GRXCR1: variants seen among roughly 807,000 people sequenced by gnomAD.
GRXCR1 encodes glutaredoxin domain-containing cysteine-rich protein 1.
A neutral mutation model predicts 27.3 loss-of-function variants in GRXCR1; 27 were observed. The observed-to-expected ratio is 0.99, with a 90% CI of 0.73 to 1.37. The LOEUF is 1.37. GRXCR1 is among the 40% of genes most tolerant of loss of function. The probability of loss-of-function intolerance (pLI) is 0.00; values close to 1 mark genes in which losing one functional copy is unlikely to be tolerated. For missense variants in GRXCR1, 379 were observed against 354.4 expected (o/e 1.07, Z -0.56); for synonymous variants, 122 against 131.1 (o/e 0.93, Z 0.47).
intron 2 of GRXCR1, among the ~76,000 whole-genome samples, chr4:43,020,040 G>C (rs781123452): frequency 6.6e-6 from 1 of 152,052 alleles, no homozygotes; most frequent in Admixed American, 6.6e-5. Flanking sequence ...CTGGCTCCAG[G>C]CTCCCTAAAC....
intron 1 of GRXCR1, among the ~76,000 whole-genome samples, chr4:42,909,605 C>T (rs1746671889): frequency 6.6e-6 from 1 of 152,030 alleles, no homozygotes; most frequent in South Asian, 2.1e-4. Context: ...TTGTTATTTT[C>T]TCATTAAAAA....
intron 2 of GRXCR1, among the ~76,000 whole-genome samples, chr4:42,985,910 A>G (rs548646510): frequency 4.3e-4 from 65 of 152,308 alleles, no homozygotes; most frequent in African/African-American, 1.5e-3. Context: ...GGGAAAATGC[A>G]TATATTTTCT....
At chr4:42,954,193 C>T (rs1003080920) in intron 1 of GRXCR1, among the ~76,000 whole-genome samples, 1 of 152,080 alleles carries the variant, frequency 6.6e-6, no homozygotes, top group African/African-American at 2.4e-5. Context: ...TAACATCCAG[C>T]AGTACTAGCA....
At position 42,977,722 on chromosome 4, in the gene GRXCR1, T is replaced by G. The variant is rs112897922; in HGVS notation, c.627+14588T>G. ...GGAAATTCATCCCTTGTCAGATGGA[T>G]AGTTTGCAAATATTTTCTCCCATTC... On this transcript the variant is annotated intron_variant, in intron 2 of 3. Coordinates refer to ENST00000399770, the MANE Select transcript of GRXCR1 (RefSeq NM_001080476.3). Among the ~76,000 whole-genome samples, 308 of 152,174 alleles carry G rather than the reference T, an allele frequency of 2.0e-3. 1 individual carries two copies. The highest frequency in any genetic ancestry group is 6.9e-3 in the African/African-American group (286 of 41,570).
chr4:42,896,071 TA>T (rs1456256995), intron 1 of GRXCR1, among the ~76,000 whole-genome samples: 2 of 152,128 alleles, frequency 1.3e-5, no homozygotes, highest in Non-Finnish European at 2.9e-5. Flanking sequence ...TTTTAAGTTT[TA>T]AAACCTTAAA....
chr4:42,955,849 A>C (rs1747991132), intron 1 of GRXCR1, among the ~76,000 whole-genome samples: 1 of 152,090 alleles, frequency 6.6e-6, no homozygotes, highest in African/African-American at 2.4e-5. Flanking sequence ...GCGAGGCTAG[A>C]GCTAAAAAGA....
At chr4:42,921,367 G>A (rs1007830305) in intron 1 of GRXCR1, among the ~76,000 whole-genome samples, 1 of 152,080 alleles carries the variant, frequency 6.6e-6, no homozygotes, top group African/African-American at 2.4e-5. Flanking sequence ...AGCAGCCCAA[G>A]TGGTCTAAGA....
intron 1 of GRXCR1, among the ~76,000 whole-genome samples, chr4:42,919,000 A>G (rs1577905257): frequency 6.6e-6 from 1 of 152,192 alleles, no homozygotes; most frequent in East Asian, 1.9e-4. Flanking sequence ...AGAAATCAGA[A>G]TAACCTCTTC....
intron 1 of GRXCR1, among the ~76,000 whole-genome samples, chr4:42,927,891 C>T (rs1321615037): frequency 1.3e-5 from 2 of 151,754 alleles, no homozygotes; most frequent in African/African-American, 4.8e-5. Flanking sequence ...TCAGGAAGCC[C>T]CTGTAGGAGA....
chr4:42,954,736 G>A (rs1747959195), intron 1 of GRXCR1, among the ~76,000 whole-genome samples: 1 of 152,116 alleles, frequency 6.6e-6, no homozygotes, highest in African/African-American at 2.4e-5. Context: ...GTGAGGAGGG[G>A]AATTTGATGT....
chr4:42,932,617 TATAGAGAGAGAG>T (rs1422040078), intron 1 of GRXCR1, among the ~76,000 whole-genome samples: 8 of 29,130 alleles, frequency 2.7e-4, no homozygotes, highest in Admixed American at 5.4e-4. Flanking sequence ...TATATATATA[TATAGAGAGAGAG>T]AGAGAGAGAG....
At chr4:42,976,808 TTTTTGTGGGGAGACTA>T (rs1231838521) in intron 2 of GRXCR1, among the ~76,000 whole-genome samples, 1 of 151,994 alleles carries the variant, frequency 6.6e-6, no homozygotes, top group African/African-American at 2.4e-5. Context: ...ATAATTATCA[TTTTTGTGGGGAGACTA>T]TTTAATATTC....
rs191025979 is a variant in GRXCR1 at position 42,992,924 on chromosome 4, A to G, written c.628-27430A>G. Among the ~76,000 whole-genome samples, 57 of 152,200 alleles carry G rather than the reference A, an allele frequency of 3.7e-4. 1 individual carries two copies. The East Asian group carries it at 4.1e-3, about 11-fold the overall frequency. On this transcript the variant is annotated intron_variant, in intron 2 of 3. Transcript: ENST00000399770. ...CATTACTTCTTACATTTCATTGTTT[A>G]CATTAACCAATTTGGGGAGAAAAAA...
intron 1 of GRXCR1, among the ~76,000 whole-genome samples, chr4:42,953,562 C>T (rs552224241): frequency 1.3e-5 from 2 of 152,242 alleles, no homozygotes; most frequent in South Asian, 2.1e-4. Flanking sequence ...AAGTGTAGAA[C>T]AGATGGGCTG....
chr4:42,907,007 G>T (rs575331687), intron 1 of GRXCR1, among the ~76,000 whole-genome samples: 1 of 152,248 alleles, frequency 6.6e-6, no homozygotes, highest in South Asian at 2.1e-4. Context: ...AACTGAAATT[G>T]GATTCTTGTA....
chr4:42,945,620 C>T (rs1311001843), intron 1 of GRXCR1, among the ~76,000 whole-genome samples: 2 of 152,090 alleles, frequency 1.3e-5, no homozygotes, highest in African/African-American at 4.8e-5. Flanking sequence ...TTGAGCTCTA[C>T]AGAGGGTGGT....
At chr4:42,972,843 G>C (rs1215713834) in intron 2 of GRXCR1, among the ~76,000 whole-genome samples, 1 of 151,974 alleles carries the variant, frequency 6.6e-6, no homozygotes, top group Admixed American at 6.6e-5. Context: ...ATTGACAATG[G>C]CCTTCAGTTC....
At chr4:42,982,552 G>C (rs1353612276) in intron 2 of GRXCR1, among the ~76,000 whole-genome samples, 1 of 118,312 alleles carries the variant, frequency 8.5e-6, no homozygotes, top group Non-Finnish European at 1.8e-5. Context: ...ATGATTTATA[G>C]TCCTTTGGGT....
Position 42,940,180 on chromosome 4 carries a change from TG to T in GRXCR1, c.385-22709del, listed in dbSNP as rs376989987. ...GAGGTAAAACCCTGGAATTAAAGTG[TG>T]GGAGTCCTCCTAAGACAGTGGCCCC... is the stretch of plus-strand genomic sequence containing the variant. On this transcript the variant is annotated intron_variant, in intron 1 of 3. Coordinates refer to ENST00000399770, the MANE Select transcript of GRXCR1 (RefSeq NM_001080476.3). Among the ~76,000 whole-genome samples, 629 of 152,146 alleles carry T rather than the reference TG, an allele frequency of 4.1e-3. 2 individuals carry two copies. Among genetic ancestry groups the T allele is most frequent in the African/African-American group, 0.014 (599 of 41,518 alleles).
Sources: gnomAD v4.1 joint callset for allele counts (sites outside exome capture counted in the v4.1 genomes callset) on GRCh38, gnomAD v4.1.1 for gene constraint, MANE v1.5 for transcripts, NCBI Gene and HGNC (gene_info 2026-07-23, HGNC 2026-07-21) for gene names.